Variants in PIK3C2G observed in about 807,000 individuals in gnomAD.
The protein encoded by PIK3C2G is phosphatidylinositol 3-kinase C2 domain-containing subunit gamma.
PIK3C2G carries 168 observed loss-of-function variants against 181.1 expected under a neutral mutation model. The ratio of observed to expected loss-of-function variants is 0.93; its 90% CI spans 0.82 to 1.05. The LOEUF (loss-of-function observed/expected upper bound fraction) is 1.05, where lower values mean the gene tolerates loss of function less well. Ranked by LOEUF, PIK3C2G falls within the 50% of genes least tolerant of loss-of-function variation. The pLI is 0.00. For synonymous variants in PIK3C2G, 573 were observed against 592.2 expected (o/e 0.97, Z 0.47); for missense variants, 1,869 against 1,732.8 (o/e 1.08, Z -1.40).
chr12:18,636,989 G>A (rs1043918811), intron 31 of PIK3C2G, among the ~76,000 whole-genome samples: 2 of 152,156 alleles, frequency 1.3e-5, no homozygotes, highest in Middle Eastern at 3.2e-3. Context: ...AGTAACCATA[G>A]GATGGTTTGA....
chr12:18,715,392 G>T, the PIK3C2G span, among the ~76,000 whole-genome samples: 2 of 151,300 alleles, frequency 1.3e-5, no homozygotes, highest in African/African-American at 4.9e-5. Flanking sequence ...TTCTTTTGGG[G>T]TGTTTGGTTT....
At chr12:18,512,640 T>C (rs537620077) in intron 24 of PIK3C2G, among the ~76,000 whole-genome samples, 70 of 152,096 alleles carry the variant, frequency 4.6e-4, no homozygotes, top group African/African-American at 1.7e-3. Flanking sequence ...TTTTGTATGT[T>C]TGTTTTGTGT....
chr12:18,293,592 G>A (rs1324274176), intron 4 of PIK3C2G, among the ~76,000 whole-genome samples: 1 of 152,074 alleles, frequency 6.6e-6, no homozygotes, highest in Non-Finnish European at 1.5e-5. Flanking sequence ...GTCCCTAAGA[G>A]AAACTGCAGT....
chr12:18,312,686 T>C (rs886620085), intron 5 of PIK3C2G, among the ~76,000 whole-genome samples: 2 of 152,058 alleles, frequency 1.3e-5, no homozygotes, highest in Non-Finnish European at 2.9e-5. Context: ...GCCCTATGGA[T>C]ACCCCAGGGA....
chr12:18,667,008 C>G, the PIK3C2G span, among the ~76,000 whole-genome samples: 1 of 152,042 alleles, frequency 6.6e-6, no homozygotes. Context: ...CTAAAAATAC[C>G]GTTTCTCAAT....
At chr12:18,650,710 A>ATAT (rs1950455373), downstream of PIK3C2G, among the ~76,000 whole-genome samples, 1 of 7,060 alleles carries the variant, frequency 1.4e-4, no homozygotes, top group African/African-American at 5.2e-4. Context: ...GTGTGTATAT[A>ATAT]TCTATATATA....
chr12:18,538,111 C>A, intron 24 of PIK3C2G, 45 bp from the exon 25 acceptor site: 2 of 1,556,596 alleles, frequency 1.3e-6, no homozygotes, highest in East Asian at 2.3e-5. Flanking sequence ...ACCTGACAAA[C>A]CATTTCTCTT....
intron 31 of PIK3C2G, among the ~76,000 whole-genome samples, chr12:18,618,500 A>G (rs1273708977): frequency 4.6e-5 from 7 of 152,210 alleles, no homozygotes; most frequent in African/African-American, 7.2e-5. Flanking sequence ...TAAAATGTCA[A>G]CTTTCTCCAG....
chr12:18,480,618 G>A (rs1234643302), intron 18 of PIK3C2G, among the ~76,000 whole-genome samples: 1 of 152,164 alleles, frequency 6.6e-6, no homozygotes, highest in Non-Finnish European at 1.5e-5. Context: ...GTAAGTGTGT[G>A]TGCCAAGTCA....
chr12:18,281,876 A>C (rs2137121004), intron 1 of PIK3C2G, 128 bp from the exon 2 acceptor site: 1 of 537,710 alleles, frequency 1.9e-6, no homozygotes, highest in African/African-American at 1.9e-5. Context: ...ATAGTACTTA[A>C]GGAATTATTT....
At chr12:18,262,678 C>A (rs932901154) in intron 1 of PIK3C2G, among the ~76,000 whole-genome samples, 1 of 151,364 alleles carries the variant, frequency 6.6e-6, no homozygotes, top group African/African-American at 2.4e-5. Context: ...TGAGTCTTCA[C>A]TGATTCATTA....
At chr12:18,582,700 T>G (rs1946565841) in intron 29 of PIK3C2G, among the ~76,000 whole-genome samples, 1 of 152,150 alleles carries the variant, frequency 6.6e-6, no homozygotes, top group Non-Finnish European at 1.5e-5. Flanking sequence ...TACACCTCCC[T>G]GAGACAGAGC....
intron 29 of PIK3C2G, among the ~76,000 whole-genome samples, chr12:18,592,112 A>T (rs1947114144): frequency 6.6e-6 from 1 of 151,848 alleles, no homozygotes; most frequent in Non-Finnish European, 1.5e-5. Context: ...GAGTCAAGTG[A>T]ACCAGTGAAA....
chr12:18,334,804 T>G (rs1000386930), intron 8 of PIK3C2G, among the ~76,000 whole-genome samples: 6 of 152,126 alleles, frequency 3.9e-5, no homozygotes, highest in African/African-American at 1.4e-4. Flanking sequence ...ATAGGGTTTG[T>G]AAATTTTAAA....
chr12:18,502,698 T>A (rs928548529), intron 22 of PIK3C2G, among the ~76,000 whole-genome samples: 19 of 152,114 alleles, frequency 1.2e-4, no homozygotes, highest in African/African-American at 4.1e-4. Flanking sequence ...CAATATATGC[T>A]CCCTTTAAAA....
At chr12:18,523,123 G>A (rs1437778091) in intron 24 of PIK3C2G, among the ~76,000 whole-genome samples, 1 of 151,978 alleles carries the variant, frequency 6.6e-6, no homozygotes, top group African/African-American at 2.4e-5. Context: ...TTTGTAAGAT[G>A]TATTCTTTTG....
Position 18,421,069 on chromosome 12 carries a change from T to C in PIK3C2G, c.2409+35T>C, listed in dbSNP as rs1356632865. 8 of 1,099,556 alleles carry C rather than the reference T, an allele frequency of 7.3e-6. No individual in the cohort carries two copies. The Admixed American group carries it at 1.0e-4, about 14-fold the overall frequency. 68.1% of individuals were successfully genotyped at this position (1,099,556 alleles called of 1,614,324 possible). On this transcript the variant is annotated intron_variant, in intron 17 of 32. Transcript: ENST00000538779. ...GAAGAGTTGCTAAGGAAACCCAGGG[T>C]TTTAACTAATTATCTCTAAAAGGTT...
the PIK3C2G span, among the ~76,000 whole-genome samples, chr12:18,722,841 A>G: frequency 6.6e-6 from 1 of 152,050 alleles, no homozygotes; most frequent in Non-Finnish European, 1.5e-5. Flanking sequence ...AAACAAAGTA[A>G]AATTCATCAG....
the PIK3C2G span, among the ~76,000 whole-genome samples, chr12:18,689,233 TC>T: frequency 1.3e-5 from 2 of 151,898 alleles, no homozygotes; most frequent in African/African-American, 4.8e-5. Flanking sequence ...AATAGACCCT[TC>T]CCAAAATGGA....
Sources: gnomAD v4.1 joint callset for allele counts (sites outside exome capture counted in the v4.1 genomes callset) on GRCh38, gnomAD v4.1.1 for gene constraint, MANE v1.5 for transcripts, NCBI Gene and HGNC (gene_info 2026-07-23, HGNC 2026-07-21) for gene names.